NONO: variants seen among roughly 807,000 people sequenced by gnomAD.
NONO encodes non-POU domain containing octamer binding.
NONO carries 6 observed loss-of-function variants against 40.2 expected under a neutral mutation model. The observed-to-expected ratio is 0.15, with a 90% CI of 0.08 to 0.29. The LOEUF (loss-of-function observed/expected upper bound fraction) is 0.29, where lower values mean the gene tolerates loss of function less well. Among genes scored for constraint, NONO ranks in the 10% least tolerant of loss-of-function variants. NONO has a pLI of 1.00. For missense variants in NONO, 133 were observed against 397.8 expected, an observed-to-expected ratio of 0.33 and a Z score of 5.66; for synonymous variants, 89 against 123.3, an observed-to-expected ratio of 0.72 and a Z score of 1.85.
At chrX:71,295,994 C>T (rs2031439618) in intron 5 of NONO, among the ~76,000 whole-genome samples, 1 of 110,807 alleles carries the variant, frequency 9.0e-6, no homozygotes, top group Non-Finnish European at 1.9e-5. Flanking sequence ...TAGTGTTTAC[C>T]ACAAGTCATT....
chrX:71,301,136 T>C lies in NONO; in HGVS notation c.*1060T>C. 1 of 139,896 alleles carries C rather than the reference T, an allele frequency of 7.1e-6. No homozygotes were observed. The highest frequency in any genetic ancestry group is 1.2e-4 in the East Asian group (1 of 8,540). 11.5% of individuals were successfully genotyped at this position (139,896 alleles called of 1,213,427 possible). A position where few individuals can be genotyped will look rare whatever the true frequency, so the allele number is the denominator to read the frequency against. On this transcript the variant is annotated 3_prime_UTR_variant, in exon 12 of 12. Transcript: ENST00000276079. The stretch of plus-strand genomic sequence containing the variant: ...TGAAAAATGGAGCAGTAATGCAGCA[T>C]CAACCTATTAAAATACATTTTAAGC...
At chrX:71,292,691 T>A (rs2031352887) in intron 4 of NONO, 1 of 112,475 alleles carries the variant, frequency 8.9e-6, no homozygotes, top group African/African-American at 3.2e-5. Context: ...TTGGCTAGAC[T>A]TGAATTCCTG....
At chrX:71,284,037 A>G (rs2031134057) in intron 1 of NONO, 1 of 111,702 alleles carries the variant, frequency 9.0e-6, no homozygotes, top group African/African-American at 3.3e-5. Context: ...TGTGGGGTCT[A>G]TTATGAGAGA....
chrX:71,293,726 G>A (rs1233070191), intron 4 of NONO, among the ~76,000 whole-genome samples: 1 of 110,207 alleles, frequency 9.1e-6, no homozygotes, highest in African/African-American at 3.3e-5. Context: ...CCGCCTCCCG[G>A]GTTCAGGCAG....
At position 71,300,225 on chromosome X, in the gene NONO, A is replaced by G. The variant is rs1197887886; in HGVS notation, c.*149A>G. The G allele has an allele frequency of 1.7e-6, 1 of 604,255 alleles. No individual in the cohort carries two copies. Among genetic ancestry groups the G allele is most frequent in the East Asian group, 3.5e-5 (1 of 28,739 alleles). The allele number at this position is 604,255 out of a possible 1,213,427, so 49.8% of individuals were successfully genotyped here. A position where few individuals can be genotyped will look rare whatever the true frequency, so the allele number is the denominator to read the frequency against. On this transcript the variant is annotated 3_prime_UTR_variant, in exon 12 of 12. Transcript: ENST00000276079. Reference sequence around the variant, plus strand: ...ACTCTAGGGAGTATGCTGGAGGCAGAGGGCAAGGGAGGGGTGGTATTAAAC... The same window carrying G: ...ACTCTAGGGAGTATGCTGGAGGCAGGGGGCAAGGGAGGGGTGGTATTAAAC...
In NONO at chrX:71,299,927, C is replaced by G; in HGVS notation, c.1282-15C>G. The G allele has an allele frequency of 8.3e-7, 1 of 1,210,723 alleles. No individual in the cohort carries two copies. ...AATGGCTCTGTTACAGTGTTGCTCT[C>G]TTTTTCTCTTTAAGACCCCACCAAC... On this transcript the variant is annotated splice_polypyrimidine_tract_variant and intron_variant, in intron 11 of 11. Transcript: ENST00000276079.
At chrX:71,284,672 G>A (rs2031149854) in intron 2 of NONO, among the ~76,000 whole-genome samples, 3 of 112,133 alleles carry the variant, frequency 2.7e-5, no homozygotes, top group African/African-American at 9.7e-5. Flanking sequence ...CACCTTCCTT[G>A]TTATTAAATG....
At chrX:71,295,783 TC>T (rs942413764) in intron 5 of NONO, among the ~76,000 whole-genome samples, 1 of 111,828 alleles carries the variant, frequency 8.9e-6, no homozygotes, top group Non-Finnish European at 1.9e-5. Flanking sequence ...AGAGGAAGAC[TC>T]CGTTTCCAAA....
chrX:71,297,498 A>C, intron 8 of NONO, 37 bp downstream of exon 8: 1 of 997,716 alleles, frequency 1.0e-6, no homozygotes, highest in East Asian at 3.3e-5. Flanking sequence ...TAACAACTCT[A>C]AAAGGTAATG....
At chrX:71,293,741 C>T (rs1482459006) in intron 4 of NONO, among the ~76,000 whole-genome samples, 2 of 110,075 alleles carry the variant, frequency 1.8e-5, no homozygotes, top group African/African-American at 6.6e-5. Flanking sequence ...AGGCAGTTCT[C>T]CTGCCTCAGC....
rs140169940 is a variant in NONO at position 71,298,084 on chromosome X, G to C, written c.1131+146G>C. 8.0e-3 allele frequency: 3,676 copies of C among 458,004 alleles called. 102 individuals carry two copies. The East Asian group carries it at 0.093, about 12-fold the overall frequency. 37.7% of individuals were successfully genotyped at this position (458,004 alleles called of 1,213,427 possible). On this transcript the variant is annotated intron_variant, in intron 9 of 11. Transcript: ENST00000276079. ...AGAATTCATAAGAAGGAGAGGTAAGGTTTGAAGAGGAGATCTTGCCTCACA... is the reference window on the plus strand; with the variant it reads ...AGAATTCATAAGAAGGAGAGGTAAGCTTTGAAGAGGAGATCTTGCCTCACA...
chrX:71,299,272 T>TTGGGAAA lies in NONO; in HGVS notation c.1281+456_1281+457insTGGGAAA, dbSNP rs1444634906. ...CTCAGATAATCTGCCCGCCTCGGTT[T>TTGGGAAA]CCCAAAGTGCTGGGATTACTGGCGT... On this transcript the variant is annotated intron_variant, in intron 11 of 11. Coordinates refer to ENST00000276079, the MANE Select transcript of NONO (RefSeq NM_007363.5). Among the ~76,000 whole-genome samples the TTGGGAAA allele has an allele frequency of 2.0e-3, 227 of 112,684 alleles. 4 individuals carry two copies. Among genetic ancestry groups the TTGGGAAA allele is most frequent in the Admixed American group, 0.017 (177 of 10,609 alleles).
At chrX:71,288,905 T>C (rs1191173259) in intron 2 of NONO, among the ~76,000 whole-genome samples, 1 of 111,924 alleles carries the variant, frequency 8.9e-6, no homozygotes, top group Non-Finnish European at 1.9e-5. Flanking sequence ...TAGTACACAA[T>C]TGAGGAACAC....
At chrX:71,296,043 A>G (rs2031441326) in intron 5 of NONO, among the ~76,000 whole-genome samples, 1 of 110,792 alleles carries the variant, frequency 9.0e-6, no homozygotes, top group Non-Finnish European at 1.9e-5. Flanking sequence ...GTACTTAAGT[A>G]CTGCACCTAC....
rs34459863 is a variant in NONO at position 71,300,387 on chromosome X, G to GTT, written c.*324_*325dup. 0.01 allele frequency: 2,321 copies of GTT among 231,635 alleles called. No individual in the cohort carries two copies. Among genetic ancestry groups the GTT allele is most frequent in the Admixed American group, 0.027 (350 of 13,035 alleles). The allele number at this position is 231,635 out of a possible 1,213,427, so 19.1% of individuals were successfully genotyped here. A position where few individuals can be genotyped will look rare whatever the true frequency, so the allele number is the denominator to read the frequency against. ...GAGCCCATTAATCTTGATCATTCCG[G>GTT]TTTTTTTTTTTTTTGTCCATCTTGT... On this transcript the variant is annotated 3_prime_UTR_variant, in exon 12 of 12. Transcript: ENST00000276079.
intron 5 of NONO, among the ~76,000 whole-genome samples, chrX:71,295,422 G>A (rs1434546827): frequency 9.2e-6 from 1 of 109,153 alleles, no homozygotes; most frequent in Non-Finnish European, 1.9e-5. Flanking sequence ...GGGAGGTGGA[G>A]CTTGCAGTGA....
chrX:71,286,291 T>C (rs1569237125), intron 2 of NONO, among the ~76,000 whole-genome samples: 5 of 111,665 alleles, frequency 4.5e-5, no homozygotes, highest in Admixed American at 2.9e-4. Flanking sequence ...ATCTGCCTCC[T>C]TCTCCCTATC....
chrX:71,294,955 C>T (rs1399611950), intron 5 of NONO, among the ~76,000 whole-genome samples: 4 of 111,371 alleles, frequency 3.6e-5, no homozygotes, highest in Non-Finnish European at 7.5e-5. Flanking sequence ...CAGCGGCTCA[C>T]GCCTGTAATC....
chrX:71,295,739 C>T (rs930272454), intron 5 of NONO, among the ~76,000 whole-genome samples: 5 of 110,797 alleles, frequency 4.5e-5, no homozygotes, highest in African/African-American at 1.3e-4. Context: ...TGCAGTGAGC[C>T]GACATTGCAC....
Sources: gnomAD v4.1 joint callset for allele counts (sites outside exome capture counted in the v4.1 genomes callset) on GRCh38, gnomAD v4.1.1 for gene constraint, MANE v1.5 for transcripts, NCBI Gene and HGNC (gene_info 2026-07-23, HGNC 2026-07-21) for gene names.